The following PIBF1 variants were observed in gnomAD, a reference collection of about 807,000 sequenced individuals.
PIBF1 encodes the protein progesterone immunomodulatory binding factor 1.
PIBF1 carries 90 observed loss-of-function variants against 112.5 expected under a neutral mutation model. That is an observed-to-expected ratio of 0.80 (90% CI 0.67 to 0.95). The LOEUF is 0.95. PIBF1 is among the 40% of genes least tolerant of loss of function. PIBF1 has a pLI of 0.00. For synonymous variants in PIBF1, 301 were observed against 288.6 expected (o/e 1.04, Z -0.44); for missense variants, 915 against 852.3 (o/e 1.07, Z -0.92).
rs757848929 is a variant in PIBF1 at position 72,835,343 on chromosome 13, A to G, written c.1198A>G (p.Arg400Gly). 1 of 1,586,402 alleles carries G rather than the reference A, an allele frequency of 6.3e-7. No homozygotes were observed. Among genetic ancestry groups the G allele is most frequent in the Non-Finnish European group, 8.6e-7 (1 of 1,169,276 alleles). The stretch of plus-strand genomic sequence containing the variant: ...AATTGATCAACTTCGAAATGCCTCT[A>G]GGGAAATGTATGAACGAGAAAACAG... ...QEIDQLRNAS[R>G]EMYERENRNL... Residue 400 changes from arginine (R) to glycine (G), a missense_variant, in exon 9 of 18, where the codon AGG (arginine) becomes GGG (glycine). By Grantham distance (125) the Arg-to-Gly change is moderately radical (BLOSUM62 -2). Coordinates refer to ENST00000326291, the MANE Select transcript of PIBF1 (RefSeq NM_006346.4).
intron 10 of PIBF1, among the ~76,000 whole-genome samples, chr13:72,877,940 G>A (rs542959342): frequency 3.3e-5 from 5 of 151,762 alleles, no homozygotes; most frequent in Admixed American, 1.3e-4. Flanking sequence ...GTAGAGATGG[G>A]GTTTCTCCAT....
chr13:72,961,031 C>A (rs1353090077), intron 14 of PIBF1, among the ~76,000 whole-genome samples: 1 of 148,572 alleles, frequency 6.7e-6, no homozygotes, highest in East Asian at 1.9e-4. Flanking sequence ...TATTCATTTC[C>A]TTCTTTTTTT....
chr13:72,913,396 C>T (rs2040964664), intron 12 of PIBF1, among the ~76,000 whole-genome samples: 1 of 151,872 alleles, frequency 6.6e-6, no homozygotes. Flanking sequence ...TGCAAATGTC[C>T]ACAACTTTCT....
intron 16 of PIBF1, among the ~76,000 whole-genome samples, chr13:72,983,733 T>C (rs939827130): frequency 1.3e-5 from 2 of 152,176 alleles, no homozygotes; most frequent in African/African-American, 4.8e-5. Flanking sequence ...TCCAACAAAT[T>C]GCATTTTTCT....
chr13:72,831,640 T>C (rs752502448), intron 8 of PIBF1, among the ~76,000 whole-genome samples: 5 of 152,202 alleles, frequency 3.3e-5, no homozygotes, highest in African/African-American at 1.2e-4. Context: ...CAGTTTGTTA[T>C]GATTTCTGTT....
chr13:72,972,457 A>G (rs1331956008), intron 15 of PIBF1, among the ~76,000 whole-genome samples: 1 of 152,150 alleles, frequency 6.6e-6, no homozygotes, highest in Non-Finnish European at 1.5e-5. Flanking sequence ...TGAGGTCAGG[A>G]ATTCGAGACC....
chr13:72,959,993 G>T (rs73218790), intron 14 of PIBF1, among the ~76,000 whole-genome samples: 29 of 152,194 alleles, frequency 1.9e-4, no homozygotes, highest in Non-Finnish European at 3.4e-4. Context: ...TCTATTGAAG[G>T]AATTAAATTC....
intron 5 of PIBF1, among the ~76,000 whole-genome samples, chr13:72,818,678 C>CTTTTTTTTTTTTTTTTTTTTT (rs3077726): frequency 1.2e-5 from 1 of 80,392 alleles, no homozygotes; most frequent in African/African-American, 5.1e-5. Flanking sequence ...CAGTCTTAAA[C>CTTTTTTTTTTTTTTTTTTTTT]TTTTTTTTTT....
chr13:72,942,060 C>T (rs3087703), intron 14 of PIBF1, among the ~76,000 whole-genome samples: 16,744 of 152,072 alleles, frequency 0.11, 1,267 homozygotes, highest in Non-Finnish European at 0.17. Context: ...CTGACCCATT[C>T]TTCTGCCTCT....
At chr13:72,883,399 A>G (rs1198933646) in intron 10 of PIBF1, among the ~76,000 whole-genome samples, 3 of 152,180 alleles carry the variant, frequency 2.0e-5, no homozygotes, top group Non-Finnish European at 4.4e-5. Context: ...GAGGTTGAAT[A>G]AGATTTATTT....
intron 3 of PIBF1, 81 bp from the exon 4 acceptor site, chr13:72,795,278 G>A: frequency 3.6e-6 from 3 of 842,116 alleles, no homozygotes; most frequent in Middle Eastern, 6.9e-4. Context: ...CTAACTTTAT[G>A]TTGATATAAA....
chr13:72,842,600 G>A (rs1366646846), intron 9 of PIBF1, among the ~76,000 whole-genome samples: 3 of 152,162 alleles, frequency 2.0e-5, no homozygotes, highest in Non-Finnish European at 4.4e-5. Flanking sequence ...GGTTAGTTGA[G>A]TATATGTATT....
chr13:73,001,437 A>T (rs2043862414), intron 17 of PIBF1, among the ~76,000 whole-genome samples: 1 of 152,132 alleles, frequency 6.6e-6, no homozygotes, highest in Non-Finnish European at 1.5e-5. Flanking sequence ...TTTTCCCCTG[A>T]TAGTAAATTC....
At chr13:73,002,184 T>C (rs978182340) in intron 17 of PIBF1, among the ~76,000 whole-genome samples, 1 of 152,152 alleles carries the variant, frequency 6.6e-6, no homozygotes, top group Non-Finnish European at 1.5e-5. Context: ...TCAATAAATA[T>C]TTGCTGAAGA....
chr13:72,825,164 T>C (rs951035671), intron 6 of PIBF1, among the ~76,000 whole-genome samples: 4 of 152,152 alleles, frequency 2.6e-5, no homozygotes, highest in African/African-American at 9.7e-5. Flanking sequence ...ATTATGGTAA[T>C]AGAGCCTTGG....
At chr13:72,829,180 C>G (rs941872622) in intron 8 of PIBF1, among the ~76,000 whole-genome samples, 1 of 151,988 alleles carries the variant, frequency 6.6e-6, no homozygotes, top group African/African-American at 2.4e-5. Flanking sequence ...GGATATTAGC[C>G]CTTTGTCAGA....
intron 8 of PIBF1, among the ~76,000 whole-genome samples, chr13:72,833,236 T>C (rs531269073): frequency 1.3e-5 from 2 of 152,290 alleles, no homozygotes; most frequent in Non-Finnish European, 2.9e-5. Flanking sequence ...TTGGAGGAGT[T>C]TGTTATTACC....
chr13:72,793,606 A>G (rs1220250996), intron 3 of PIBF1, among the ~76,000 whole-genome samples: 1 of 152,236 alleles, frequency 6.6e-6, no homozygotes, highest in Non-Finnish European at 1.5e-5. Flanking sequence ...GACATATATC[A>G]GATTGAATGA....
chr13:72,883,431 T>C (rs1019303190), intron 10 of PIBF1, among the ~76,000 whole-genome samples: 3 of 152,180 alleles, frequency 2.0e-5, no homozygotes, highest in Non-Finnish European at 2.9e-5. Context: ...ATGGTGACTA[T>C]AGTCAGTAAG....
Sources: gnomAD v4.1 joint callset for allele counts (sites outside exome capture counted in the v4.1 genomes callset) on GRCh38, gnomAD v4.1.1 for gene constraint, MANE v1.5 for transcripts, NCBI Gene and HGNC (gene_info 2026-07-23, HGNC 2026-07-21) for gene names.